TBX18: variants seen among roughly 807,000 people sequenced by gnomAD.
TBX18 encodes T-box transcription factor 18.
A neutral mutation model predicts 55.0 loss-of-function variants in TBX18; 21 were observed. That is an observed-to-expected ratio of 0.38 (90% CI 0.27 to 0.55). TBX18 has a LOEUF of 0.55. TBX18 is among the 20% of genes least tolerant of loss of function. TBX18 has a pLI of 0.73. For synonymous variants in TBX18, 342 were observed against 326.1 expected, an observed-to-expected ratio of 1.05 and a Z score of -0.53; for missense variants, 840 against 799.6, an observed-to-expected ratio of 1.05 and a Z score of -0.61.
chr6:84,745,098 T>C (rs543090530), intron 5 of TBX18, among the ~76,000 whole-genome samples: 1 of 152,292 alleles, frequency 6.6e-6, no homozygotes, highest in South Asian at 2.1e-4. Context: ...GAAATATGTA[T>C]AGGTAGTAAA....
chr6:84,750,283 CAAAA>C (rs546686776), intron 4 of TBX18, among the ~76,000 whole-genome samples: 3 of 94,650 alleles, frequency 3.2e-5, no homozygotes, highest in African/African-American at 7.7e-5. Context: ...GATTCTATCT[CAAAA>C]AAAAAAAAAA....
At chr6:84,739,846 A>C (rs1201068510) in intron 6 of TBX18, among the ~76,000 whole-genome samples, 1 of 152,310 alleles carries the variant, frequency 6.6e-6, no homozygotes, top group South Asian at 2.1e-4. Context: ...CTACTTGTCC[A>C]TCTGTTCCAA....
At chr6:84,753,562 G>C (rs1290229362) in intron 4 of TBX18, among the ~76,000 whole-genome samples, 2 of 152,180 alleles carry the variant, frequency 1.3e-5, no homozygotes, top group Non-Finnish European at 2.9e-5. Context: ...GGCAGGGGCA[G>C]ATGGGATGAA....
At chr6:84,738,617 G>T in intron 6 of TBX18, 26 bp from the exon 7 acceptor site, 2 of 1,572,140 alleles carry the variant, frequency 1.3e-6, no homozygotes, top group Non-Finnish European at 1.8e-6. Flanking sequence ...CAGGATAGGG[G>T]TGGACAAAAG....
At chr6:84,740,081 T>C (rs1467381927) in intron 6 of TBX18, among the ~76,000 whole-genome samples, 1 of 152,204 alleles carries the variant, frequency 6.6e-6, no homozygotes, top group African/African-American at 2.4e-5. Flanking sequence ...TCACAGGCTC[T>C]GGGGGTGCAG....
intron 5 of TBX18, among the ~76,000 whole-genome samples, chr6:84,745,121 T>C (rs1039866102): frequency 6.6e-6 from 1 of 152,182 alleles, no homozygotes; most frequent in Non-Finnish European, 1.5e-5. Flanking sequence ...GGTTCCTATA[T>C]ATGATGTTTT....
In TBX18 at chr6:84,734,212, C is replaced by T. The variant is rs1036329044; in HGVS notation, c.*2473G>A. Reference sequence around the variant, plus strand: ...AAACATACCACCCCATCCCTTTCCTCTCACATTCAAATTTTCATGTGTTCA... The same window carrying T: ...AAACATACCACCCCATCCCTTTCCTTTCACATTCAAATTTTCATGTGTTCA... On this transcript the variant is annotated 3_prime_UTR_variant, in exon 8 of 8. Coordinates refer to ENST00000369663, the MANE Select transcript of TBX18 (RefSeq NM_001080508.3). The T allele has an allele frequency of 8.5e-5, 13 of 152,192 alleles. No individual in the cohort carries two copies. The highest frequency in any genetic ancestry group is 1.6e-4 in the Non-Finnish European group (11 of 68,036). 9.4% of individuals were successfully genotyped at this position (152,192 alleles called of 1,614,324 possible).
chr6:84,757,799 C>G (rs1767535313), intron 3 of TBX18, among the ~76,000 whole-genome samples: 2 of 151,808 alleles, frequency 1.3e-5, no homozygotes, highest in Admixed American at 1.3e-4. Context: ...AATTAAAAAA[C>G]TAGAAACTAG....
rs1773870381 is a variant in TBX18, at chr6:84,733,919, A to T, written c.*2766T>A. ...CAACCTTCTCTGGGGGCCACCAAGG[A>T]TTCCTGACCCCTTACATTCCAGAAA... On this transcript the variant is annotated 3_prime_UTR_variant, in exon 8 of 8. Coordinates refer to ENST00000369663, the MANE Select transcript of TBX18 (RefSeq NM_001080508.3). The T allele has an allele frequency of 6.6e-6, 1 of 152,142 alleles. No individual in the cohort carries two copies. Among genetic ancestry groups the T allele is most frequent in the Non-Finnish European group, 1.5e-5 (1 of 68,024 alleles). 9.4% of individuals were successfully genotyped at this position (152,142 alleles called of 1,614,324 possible). A position where few individuals can be genotyped will look rare whatever the true frequency, so the allele number is the denominator to read the frequency against.
At chr6:84,757,871 G>T (rs2127880164) in intron 3 of TBX18, among the ~76,000 whole-genome samples, 1 of 152,112 alleles carries the variant, frequency 6.6e-6, no homozygotes, top group Non-Finnish European at 1.5e-5. Context: ...CCTTCCATTT[G>T]TGTGTTAAGA....
chr6:84,737,068 G>T lies in TBX18; in HGVS notation c.1441C>A (p.Pro481Thr). 1 of 1,614,166 alleles carries T rather than the reference G, an allele frequency of 6.2e-7. No individual in the cohort carries two copies. Among genetic ancestry groups the T allele is most frequent in the Non-Finnish European group, 8.5e-7 (1 of 1,180,026 alleles). Reference sequence around the variant, plus strand: ...ATCTGCATGGATAAGCTGGTCTGTGGGCAGCTGAAGGTGTCCCCATCAGTG... The same window carrying T: ...ATCTGCATGGATAAGCTGGTCTGTGTGCAGCTGAAGGTGTCCCCATCAGTG... ...GGTDGDTFSC[P>T]QTSLSMQISG... The change falls in exon 8 of 8, where the codon CCA becomes ACA. Residue 481 changes from proline to threonine, a missense_variant. Transcript: ENST00000369663.
Position 84,733,752 on chromosome 6 carries a change from T to G in TBX18, c.*2933A>C, listed in dbSNP as rs982091891. ...GCTGTTTATTAATTTCACACTAAGG[T>G]GTGAGTTACTGGTAGGATTAAGTCT... On this transcript the variant is annotated 3_prime_UTR_variant, in exon 8 of 8. Coordinates refer to ENST00000369663, the MANE Select transcript of TBX18 (RefSeq NM_001080508.3). 1 of 152,196 alleles carries G rather than the reference T, an allele frequency of 6.6e-6. No individual in the cohort carries two copies. The highest frequency in any genetic ancestry group is 1.5e-5 in the Non-Finnish European group (1 of 68,040). 9.4% of individuals were successfully genotyped at this position (152,196 alleles called of 1,614,324 possible). A position where few individuals can be genotyped will look rare whatever the true frequency, so the allele number is the denominator to read the frequency against.
In TBX18 at chr6:84,736,437, C is replaced by T. The variant is rs960603450; in HGVS notation, c.*248G>A. ...ACATACTACACGCATGCCAATACTCCGTGCAACTGGATGAAACAGGGGAAC... is the reference window on the plus strand; with the variant it reads ...ACATACTACACGCATGCCAATACTCTGTGCAACTGGATGAAACAGGGGAAC... On this transcript the variant is annotated 3_prime_UTR_variant, in exon 8 of 8. Transcript: ENST00000369663. The T allele has an allele frequency of 2.8e-5, 9 of 324,912 alleles. No individual in the cohort carries two copies. The highest frequency in any genetic ancestry group is 4.9e-5 in the Non-Finnish European group (9 of 183,320). 20.1% of individuals were successfully genotyped at this position (324,912 alleles called of 1,614,324 possible). A position where few individuals can be genotyped will look rare whatever the true frequency, so the allele number is the denominator to read the frequency against.
intron 7 of TBX18, among the ~76,000 whole-genome samples, chr6:84,738,087 G>A (rs543161034): frequency 7.9e-5 from 12 of 152,226 alleles, no homozygotes; most frequent in African/African-American, 2.9e-4. Flanking sequence ...GAATGTGCCT[G>A]ACCTTCCTCA....
chr6:84,732,850 A>G lies in TBX18; in HGVS notation c.*3835T>C, dbSNP rs1773841289. Reference sequence around the variant, plus strand: ...TATATATATATATCCAAAAATAAACAGAATATATTCCAAAAGATATAATAG... The same window carrying G: ...TATATATATATATCCAAAAATAAACGGAATATATTCCAAAAGATATAATAG... On this transcript the variant is annotated 3_prime_UTR_variant, in exon 8 of 8. Coordinates refer to ENST00000369663, the MANE Select transcript of TBX18 (RefSeq NM_001080508.3). The G allele has an allele frequency of 1.3e-5, 2 of 151,956 alleles. No homozygotes were observed. Among genetic ancestry groups the G allele is most frequent in the Admixed American group, 1.3e-4 (2 of 15,248 alleles). The allele number at this position is 151,956 out of a possible 1,614,324, so 9.4% of individuals were successfully genotyped here. A position where few individuals can be genotyped will look rare whatever the true frequency, so the allele number is the denominator to read the frequency against.
chr6:84,750,210 G>T (rs780553266), intron 4 of TBX18, among the ~76,000 whole-genome samples: 1 of 151,744 alleles, frequency 6.6e-6, no homozygotes, highest in Admixed American at 6.6e-5. Context: ...GCTTGAATCC[G>T]GGAGGCGGAG....
At chr6:84,738,942 A>C (rs1766969438) in intron 6 of TBX18, among the ~76,000 whole-genome samples, 1 of 152,124 alleles carries the variant, frequency 6.6e-6, no homozygotes, top group Non-Finnish European at 1.5e-5. Context: ...TCTGGAACAC[A>C]CCCACTCTCC....
At chr6:84,759,359 G>A (rs1369619831) in intron 3 of TBX18, among the ~76,000 whole-genome samples, 7 of 152,072 alleles carry the variant, frequency 4.6e-5, no homozygotes, top group Non-Finnish European at 1.0e-4. Context: ...ATCTGATTTT[G>A]TTTAAACTTA....
Position 84,736,855 on chromosome 6 carries a change from C to A in TBX18, c.1654G>T (p.Gly552Ter). Residue 552 changes from glycine to a stop codon, truncating the protein, a stop_gained, in exon 8 of 8, where the codon GGA becomes TGA. Coordinates refer to ENST00000369663, the MANE Select transcript of TBX18 (RefSeq NM_001080508.3). LOFTEE classifies it high-confidence loss of function. ...CTCGGTGAGGACCCCAAGAAACTTCCTTGGGAAGAAACAATTTTCTCAGGA... is the reference window on the plus strand; with the variant it reads ...CTCGGTGAGGACCCCAAGAAACTTCATTGGGAAGAAACAATTTTCTCAGGA... The part of the protein sequence containing the change: ...ASPEKIVSSQ[G>*]SFLGSSPSGT... 1.2e-6 allele frequency: 2 copies of A among 1,613,428 alleles called. No individual in the cohort carries two copies. The highest frequency in any genetic ancestry group is 1.7e-6 in the Non-Finnish European group (2 of 1,179,814).
Sources: gnomAD v4.1 joint callset for allele counts (sites outside exome capture counted in the v4.1 genomes callset) on GRCh38, gnomAD v4.1.1 for gene constraint, MANE v1.5 for transcripts, NCBI Gene and HGNC (gene_info 2026-07-23, HGNC 2026-07-21) for gene names.